The following KCNIP1 variants were observed in gnomAD, a reference collection of about 807,000 sequenced individuals.
KCNIP1 encodes A-type potassium channel modulatory protein KCNIP1.
KCNIP1 carries 18 observed loss-of-function variants against 33.0 expected under a neutral mutation model. That is an observed-to-expected ratio of 0.55 (90% CI 0.38 to 0.81). The LOEUF (loss-of-function observed/expected upper bound fraction) is 0.81, where lower values mean the gene tolerates loss of function less well. KCNIP1 is among the 30% of genes least tolerant of loss of function. The pLI, the probability that KCNIP1 is intolerant of heterozygous loss-of-function variation, is 0.00. For synonymous variants in KCNIP1, 93 were observed against 98.3 expected, an observed-to-expected ratio of 0.95 and a Z score of 0.32; for missense variants, 238 against 271.6, an observed-to-expected ratio of 0.88 and a Z score of 0.87.
At chr5:170,644,364 A>C (rs1016922298) in intron 1 of KCNIP1, among the ~76,000 whole-genome samples, 1 of 152,224 alleles carries the variant, frequency 6.6e-6, no homozygotes, top group African/African-American at 2.4e-5. Flanking sequence ...GAGTGTGTTG[A>C]TATCTGTAGG....
intron 1 of KCNIP1, among the ~76,000 whole-genome samples, chr5:170,401,585 G>A (rs2113385567): frequency 6.6e-6 from 1 of 152,140 alleles, no homozygotes; most frequent in Non-Finnish European, 1.5e-5. Context: ...GCAACATAGT[G>A]AGACCCCATC....
chr5:170,471,692 G>A (rs139235262), intron 1 of KCNIP1, among the ~76,000 whole-genome samples: 1 of 152,054 alleles, frequency 6.6e-6, no homozygotes, highest in Non-Finnish European at 1.5e-5. Flanking sequence ...GCTGCTCAGG[G>A]CTCCTGAGCC....
intron 1 of KCNIP1, among the ~76,000 whole-genome samples, chr5:170,684,534 A>G (rs544511830): frequency 6.6e-6 from 1 of 152,390 alleles, no homozygotes; most frequent in Non-Finnish European, 1.5e-5. Flanking sequence ...ATTTGCCACA[A>G]TATGATATCA....
intron 1 of KCNIP1, among the ~76,000 whole-genome samples, chr5:170,543,993 G>A (rs888787665): frequency 8.5e-5 from 13 of 152,152 alleles, no homozygotes; most frequent in South Asian, 4.1e-4. Flanking sequence ...AAACTTAAGC[G>A]TGCATAAAAC....
At chr5:170,483,172 C>T in intron 1 of KCNIP1, 1 of 420,650 alleles carries the variant, frequency 2.4e-6, no homozygotes, top group Non-Finnish European at 4.7e-6. Flanking sequence ...CGCCCTGCCT[C>T]TCATCCAGGC....
rs560302380 is a variant in KCNIP1, at chr5:170,586,339, G to T, written c.61+81706G>T. 1.2e-4 allele frequency among the ~76,000 whole-genome samples: 18 copies of T among 152,318 alleles called. No individual in the cohort carries two copies. In the East Asian group the frequency reaches 3.3e-3, roughly 28 times the overall value. ...ATATTAGGTGCAGGATTAAGGTGTT[G>T]TGATTGAGATGATGGTGACGATGAT... On this transcript the variant is annotated intron_variant, in intron 1 of 7. Transcript: ENST00000328939.
chr5:170,631,219 G>T (rs892543539), intron 1 of KCNIP1, among the ~76,000 whole-genome samples: 5 of 152,156 alleles, frequency 3.3e-5, no homozygotes, highest in African/African-American at 1.2e-4. Flanking sequence ...CAGCCCCCTA[G>T]ATAGGTAGTT....
intron 1 of KCNIP1, among the ~76,000 whole-genome samples, chr5:170,457,508 G>C (rs1756411435): frequency 6.6e-6 from 1 of 152,204 alleles, no homozygotes; most frequent in Non-Finnish European, 1.5e-5. Flanking sequence ...CAGATGGTTT[G>C]CATCACAGGA....
chr5:170,711,986 CA>C (rs569160515), intron 1 of KCNIP1, among the ~76,000 whole-genome samples: 209 of 152,200 alleles, frequency 1.4e-3, no homozygotes, highest in African/African-American at 4.9e-3. Flanking sequence ...CACTCGTGGC[CA>C]GGGGTGCTTG....
chr5:170,651,378 G>C (rs1191148724), intron 1 of KCNIP1, among the ~76,000 whole-genome samples: 1 of 152,142 alleles, frequency 6.6e-6, no homozygotes, highest in African/African-American at 2.4e-5. Context: ...GTGTCCCTGT[G>C]GGTTTTTCCT....
chr5:170,694,829 T>C (rs1461798752), intron 1 of KCNIP1, among the ~76,000 whole-genome samples: 8 of 152,102 alleles, frequency 5.3e-5, no homozygotes, highest in Non-Finnish European at 7.4e-5. Context: ...GTGACAAAGG[T>C]CCATGAGCTC....
intron 1 of KCNIP1, among the ~76,000 whole-genome samples, chr5:170,657,981 C>T (rs546815718): frequency 6.6e-6 from 1 of 152,320 alleles, no homozygotes; most frequent in Admixed American, 6.5e-5. Flanking sequence ...GGATACAGTC[C>T]TCATGAGGCT....
At chr5:170,422,002 AG>A (rs1165665710) in intron 1 of KCNIP1, 1 of 151,964 alleles carries the variant, frequency 6.6e-6, no homozygotes, top group Non-Finnish European at 1.5e-5. Context: ...ATGACTTGGC[AG>A]GGAGAAGAAT....
intron 1 of KCNIP1, among the ~76,000 whole-genome samples, chr5:170,358,270 G>A (rs1471469378): frequency 6.6e-6 from 1 of 152,196 alleles, no homozygotes; most frequent in Non-Finnish European, 1.5e-5. Flanking sequence ...AGGCTGCGGG[G>A]GTGGGGAAAA....
intron 1 of KCNIP1, among the ~76,000 whole-genome samples, chr5:170,354,345 T>C (rs906094266): frequency 6.6e-6 from 1 of 152,094 alleles, no homozygotes; most frequent in Non-Finnish European, 1.5e-5. Flanking sequence ...ATGCAGTGGG[T>C]TGTGAGTAAT....
At chr5:170,425,132 A>G (rs1755583640) in intron 1 of KCNIP1, among the ~76,000 whole-genome samples, 2 of 152,152 alleles carry the variant, frequency 1.3e-5, no homozygotes, top group African/African-American at 4.8e-5. Context: ...ACTTTACAGC[A>G]CTGAACACTG....
chr5:170,714,903 TA>T (rs921397543), intron 1 of KCNIP1, among the ~76,000 whole-genome samples: 2 of 152,152 alleles, frequency 1.3e-5, no homozygotes, highest in African/African-American at 4.8e-5. Context: ...AAAAATTTAT[TA>T]ATTTAGTATA....
At chr5:170,614,941 T>G (rs1759308433) in intron 1 of KCNIP1, among the ~76,000 whole-genome samples, 1 of 152,128 alleles carries the variant, frequency 6.6e-6, no homozygotes. Flanking sequence ...ATGGGCCGGG[T>G]GCAGTGACTC....
intron 1 of KCNIP1, among the ~76,000 whole-genome samples, chr5:170,440,947 C>T (rs946759922): frequency 1.3e-5 from 2 of 152,128 alleles, no homozygotes; most frequent in East Asian, 3.9e-4. Context: ...GGCCCAATGC[C>T]CTGGTTCCCA....
Sources: gnomAD v4.1 joint callset for allele counts (sites outside exome capture counted in the v4.1 genomes callset) on GRCh38, gnomAD v4.1.1 for gene constraint, MANE v1.5 for transcripts, NCBI Gene and HGNC (gene_info 2026-07-23, HGNC 2026-07-21) for gene names.